Variants in SUGCT observed in about 807,000 individuals in gnomAD.
SUGCT encodes succinyl-CoA:glutarate CoA-transferase.
Under a neutral mutation model 55.0 loss-of-function variants are expected in SUGCT, and 41 were observed. The ratio of observed to expected loss-of-function variants is 0.74; its 90% confidence interval spans 0.58 to 0.97. The LOEUF is 0.97. SUGCT is among the 50% of genes least tolerant of loss of function. The probability of loss-of-function intolerance (pLI) is 0.00; values close to 1 mark genes in which losing one functional copy is unlikely to be tolerated. For synonymous variants in SUGCT, 187 were observed against 200.4 expected (o/e 0.93, Z 0.56); for missense variants, 568 against 547.8 (o/e 1.04, Z -0.37).
chr7:40,245,418 T>TATATATATATATATATAG, intron 7 of SUGCT, among the ~76,000 whole-genome samples: 1 of 31,008 alleles, frequency 3.2e-5, no homozygotes, highest in Non-Finnish European at 5.5e-5. Context: ...TATATATATA[T>TATATATATATATATATAG]ATATATTTTT....
intron 12 of SUGCT, among the ~76,000 whole-genome samples, chr7:40,699,497 C>G (rs147009679): frequency 1.3e-5 from 2 of 152,138 alleles, no homozygotes; most frequent in African/African-American, 4.8e-5. Flanking sequence ...TGAGTCTCCC[C>G]GTGTCCTGCA....
chr7:40,888,911 C>T, the SUGCT span, among the ~76,000 whole-genome samples: 1 of 152,246 alleles, frequency 6.6e-6, no homozygotes, highest in Non-Finnish European at 1.5e-5. Flanking sequence ...GCCATGGCTG[C>T]TGCTCAGCTA....
intron 1 of SUGCT, among the ~76,000 whole-genome samples, chr7:40,164,888 C>T (rs1449864663): frequency 6.6e-6 from 1 of 152,120 alleles, no homozygotes; most frequent in Non-Finnish European, 1.5e-5. Context: ...ACAATTATTG[C>T]CTGCTGACTC....
At chr7:40,995,403 A>ATTATTC in the SUGCT span, among the ~76,000 whole-genome samples, 1 of 150,010 alleles carries the variant, frequency 6.7e-6, no homozygotes, top group Non-Finnish European at 1.5e-5. Context: ...TATTATTATT[A>ATTATTC]TTATTATAGT....
At chr7:40,692,083 A>G (rs1784724925) in intron 12 of SUGCT, among the ~76,000 whole-genome samples, 2 of 152,132 alleles carry the variant, frequency 1.3e-5, no homozygotes, top group Non-Finnish European at 2.9e-5. Context: ...TGCCTCACCT[A>G]TCCTAGTCAC....
the SUGCT span, among the ~76,000 whole-genome samples, chr7:40,963,884 G>A: frequency 1.3e-5 from 2 of 152,108 alleles, no homozygotes; most frequent in South Asian, 4.1e-4. Context: ...TGCAGGTTTA[G>A]ACTGCATTTA....
chr7:40,239,176 G>A (rs1304798502), intron 7 of SUGCT, among the ~76,000 whole-genome samples: 1 of 152,010 alleles, frequency 6.6e-6, no homozygotes, highest in Non-Finnish European at 1.5e-5. Flanking sequence ...AGCCTCCTGG[G>A]CTCAATAGAT....
intron 1 of SUGCT, among the ~76,000 whole-genome samples, chr7:40,180,306 A>G (rs1485693902): frequency 1.3e-5 from 2 of 151,602 alleles, no homozygotes; most frequent in African/African-American, 4.8e-5. Context: ...GTTAGTAGAG[A>G]TGGGATTTAC....
intron 12 of SUGCT, among the ~76,000 whole-genome samples, chr7:40,695,354 T>C (rs557270920): frequency 1.3e-4 from 19 of 151,864 alleles, no homozygotes; most frequent in African/African-American, 3.9e-4. Flanking sequence ...CGTGCCACCA[T>C]GCCTGGCTAA....
the SUGCT span, among the ~76,000 whole-genome samples, chr7:40,907,566 C>T: frequency 6.6e-6 from 1 of 152,156 alleles, no homozygotes; most frequent in Non-Finnish European, 1.5e-5. Flanking sequence ...ACAAAAGACC[C>T]TATGAAGTAG....
At chr7:40,963,616 A>C in the SUGCT span, among the ~76,000 whole-genome samples, 1 of 152,236 alleles carries the variant, frequency 6.6e-6, no homozygotes, top group Admixed American at 6.5e-5. Flanking sequence ...ATTTGCACAC[A>C]AAATTTAATA....
intron 9 of SUGCT, among the ~76,000 whole-genome samples, chr7:40,367,270 T>TGGGGGGGGGGG (rs1233309978): frequency 2.4e-5 from 1 of 41,786 alleles, no homozygotes; most frequent in Non-Finnish European, 4.4e-5. Flanking sequence ...TGTTGTGGGG[T>TGGGGGGGGGGG]GGGGGGAGGG....
At chr7:40,755,919 A>G (rs569572950) in intron 13 of SUGCT, among the ~76,000 whole-genome samples, 9 of 152,316 alleles carry the variant, frequency 5.9e-5, no homozygotes, top group Non-Finnish European at 5.9e-5. Context: ...TACTTTATCC[A>G]TAGTATTTTA....
the SUGCT span, among the ~76,000 whole-genome samples, chr7:41,025,924 T>C: frequency 2.0e-5 from 3 of 152,182 alleles, no homozygotes; most frequent in Non-Finnish European, 4.4e-5. Flanking sequence ...ACTCTGCACA[T>C]GTTAACATTT....
the SUGCT span, among the ~76,000 whole-genome samples, chr7:40,944,475 A>G: frequency 1.1e-4 from 16 of 151,734 alleles, no homozygotes; most frequent in Non-Finnish European, 1.3e-4. Flanking sequence ...TAAGGAAGGG[A>G]TCCAGTTTCA....
intron 13 of SUGCT, among the ~76,000 whole-genome samples, chr7:40,771,314 C>T (rs768277863): frequency 9.2e-5 from 14 of 152,030 alleles, no homozygotes; most frequent in Admixed American, 3.3e-4. Context: ...CAATCTGTAT[C>T]GATGTAACCA....
the SUGCT span, among the ~76,000 whole-genome samples, chr7:40,928,398 CTTAA>C: frequency 6.6e-6 from 1 of 152,092 alleles, no homozygotes; most frequent in African/African-American, 2.4e-5. Flanking sequence ...CTATCTTTCA[CTTAA>C]TTAACTTTCA....
intron 12 of SUGCT, among the ~76,000 whole-genome samples, chr7:40,524,435 A>G (rs953132631): frequency 2.6e-5 from 4 of 152,100 alleles, no homozygotes; most frequent in African/African-American, 4.8e-5. Flanking sequence ...TTGAATCTTT[A>G]TTCTCATCCA....
At chr7:40,937,736 G>A in the SUGCT span, among the ~76,000 whole-genome samples, 49,907 of 151,812 alleles carry the variant, frequency 0.33, 9,046 homozygotes, top group Admixed American at 0.45. Flanking sequence ...TTTGGTTACC[G>A]CGTGGATAGT....
Sources: gnomAD v4.1 joint callset for allele counts (sites outside exome capture counted in the v4.1 genomes callset) on GRCh38, gnomAD v4.1.1 for gene constraint, MANE v1.5 for transcripts, NCBI Gene and HGNC (gene_info 2026-07-23, HGNC 2026-07-21) for gene names.